CADPS: variants seen among roughly 807,000 people sequenced by gnomAD.
CADPS encodes calcium dependent secretion activator, also known as calcium-dependent secretion activator 1.
In CADPS, 57 loss-of-function variants were observed where a neutral mutation model predicts 167.3. That is an observed-to-expected ratio of 0.34 (90% CI 0.28 to 0.42). CADPS has a LOEUF of 0.42. Ranked by LOEUF, CADPS falls within the 20% of genes least tolerant of loss-of-function variation. The pLI is 1.00. For synonymous variants in CADPS, 676 were observed against 635.3 expected, an observed-to-expected ratio of 1.06 and a Z score of -0.96; for missense variants, 1,414 against 1,738.1, an observed-to-expected ratio of 0.81 and a Z score of 3.32.
At chr3:62,406,038 G>A (rs570997999) in intron 28 of CADPS, among the ~76,000 whole-genome samples, 2 of 152,308 alleles carry the variant, frequency 1.3e-5, no homozygotes, top group Admixed American at 6.5e-5. Flanking sequence ...GAGTGCCTCC[G>A]GAAGCAGCAG....
At chr3:62,459,973 CTCTT>C (rs1435992611) in intron 26 of CADPS, among the ~76,000 whole-genome samples, 1 of 152,166 alleles carries the variant, frequency 6.6e-6, no homozygotes, top group African/African-American at 2.4e-5. Context: ...AAATAGATGA[CTCTT>C]TCCCTTAGAA....
At position 62,874,955 on chromosome 3, in the gene CADPS, G is replaced by C. The variant is rs745876740; in HGVS notation, c.75C>G (p.Gly25=). ...VEEESGKEVL[G]SAPSGARLSP... is the part of the protein sequence containing the mutation. ...ACAGGCGCGCGCCGGACGGGGCCGAGCCGAGCACCTCCTTGCCGCTCTCCT... is the reference window on the plus strand; with the variant it reads ...ACAGGCGCGCGCCGGACGGGGCCGACCCGAGCACCTCCTTGCCGCTCTCCT... The change falls in exon 1 of 30, where the codon GGC becomes GGG. Residue 25 remains glycine, a synonymous_variant. Coordinates refer to ENST00000383710, the MANE Select transcript of CADPS (RefSeq NM_003716.4). This position sits in a 1 kb window ranked among gnomAD's most constrained non-coding sequence, Gnocchi z 7.1. 8.9e-6 allele frequency: 14 copies of C among 1,575,942 alleles called. No homozygotes were observed. In the East Asian group the frequency reaches 2.5e-4, roughly 28 times the overall value.
chr3:62,867,967 C>T (rs888622721), intron 1 of CADPS, among the ~76,000 whole-genome samples: 2 of 152,012 alleles, frequency 1.3e-5, no homozygotes, highest in African/African-American at 4.8e-5. Context: ...CCCAGGCATT[C>T]TAATTTCACA....
At chr3:62,599,951 G>C (rs185419791) in intron 6 of CADPS, among the ~76,000 whole-genome samples, 1 of 86,552 alleles carries the variant, frequency 1.2e-5, no homozygotes, top group Non-Finnish European at 2.3e-5. Context: ...TATAATGTAC[G>C]ATATATAATG....
At chr3:62,497,754 G>A (rs1432376333) in intron 18 of CADPS, among the ~76,000 whole-genome samples, 1 of 152,156 alleles carries the variant, frequency 6.6e-6, no homozygotes, top group Non-Finnish European at 1.5e-5. Flanking sequence ...AGAGACGGTT[G>A]TTGAGGAAGA....
chr3:62,600,422 CAT>C (rs989233076), intron 6 of CADPS, among the ~76,000 whole-genome samples: 54 of 152,128 alleles, frequency 3.5e-4, no homozygotes, highest in African/African-American at 1.2e-3. Context: ...TGCCATCACC[CAT>C]AGAGGCACCT....
intron 3 of CADPS, among the ~76,000 whole-genome samples, chr3:62,684,868 G>C (rs1305298601): frequency 2.6e-5 from 4 of 151,952 alleles, no homozygotes; most frequent in Admixed American, 2.6e-4. Context: ...CAGTTTCTGG[G>C]AAAGGGGCTT....
intron 24 of CADPS, chr3:62,473,619 G>A (rs940938474): frequency 1.3e-5 from 2 of 151,982 alleles, no homozygotes; most frequent in South Asian, 2.1e-4. Flanking sequence ...CTTAGCAAAG[G>A]ACTAAACTTT....
At chr3:62,815,813 A>G (rs1279585342) in intron 1 of CADPS, among the ~76,000 whole-genome samples, 1 of 151,868 alleles carries the variant, frequency 6.6e-6, no homozygotes, top group Non-Finnish European at 1.5e-5. Flanking sequence ...GCCTTCCTGC[A>G]CTCCCTAGGT....
At chr3:62,537,964 T>C (rs2075036021) in intron 11 of CADPS, among the ~76,000 whole-genome samples, 1 of 152,184 alleles carries the variant, frequency 6.6e-6, no homozygotes, top group Non-Finnish European at 1.5e-5. Flanking sequence ...GAACGAGATG[T>C]GGCGTTTATG....
chr3:62,655,164 A>G (rs1348347246), intron 4 of CADPS, among the ~76,000 whole-genome samples: 2 of 152,198 alleles, frequency 1.3e-5, no homozygotes, highest in African/African-American at 4.8e-5. Flanking sequence ...AAACAAGGAC[A>G]TTTTTCTGGT....
At chr3:62,712,194 A>C (rs2083530573) in intron 3 of CADPS, among the ~76,000 whole-genome samples, 1 of 152,174 alleles carries the variant, frequency 6.6e-6, no homozygotes, top group Non-Finnish European at 1.5e-5. Context: ...ACACATATGA[A>C]TATTTCTTTA....
intron 6 of CADPS, among the ~76,000 whole-genome samples, chr3:62,594,004 C>A (rs1406161506): frequency 6.6e-6 from 1 of 152,008 alleles, no homozygotes; most frequent in Non-Finnish European, 1.5e-5. Flanking sequence ...ATGAAAGATG[C>A]CAAATATAAT....
At chr3:62,573,035 C>G (rs1043981296) in intron 8 of CADPS, among the ~76,000 whole-genome samples, 3 of 152,134 alleles carry the variant, frequency 2.0e-5, no homozygotes. Context: ...ATGTGCACCA[C>G]CATGTCCGGC....
At chr3:62,769,661 T>A (rs2088001943) in intron 1 of CADPS, among the ~76,000 whole-genome samples, 1 of 152,180 alleles carries the variant, frequency 6.6e-6, no homozygotes. Context: ...TGGAGGTCGC[T>A]GTTTTCTCAG....
chr3:62,549,600 T>C (rs1390231391), intron 11 of CADPS, among the ~76,000 whole-genome samples: 1 of 152,118 alleles, frequency 6.6e-6, no homozygotes, highest in East Asian at 1.9e-4. Flanking sequence ...TCTACTATAT[T>C]TGAAGGACTC....
rs1351089426 is a variant in CADPS at position 62,516,663 on chromosome 3, T to A, written c.2394-20A>T. The A allele has an allele frequency of 1.9e-6, 3 of 1,577,424 alleles. No homozygotes were observed. The highest frequency in any genetic ancestry group is 2.6e-6 in the Non-Finnish European group (3 of 1,153,538). ...CAATACCTAAAAAAGACAAAATTCT[T>A]CAGGTTGCCTAAATTATTACATTTT... On this transcript the variant is annotated intron_variant, in intron 14 of 29. Coordinates refer to ENST00000383710, the MANE Select transcript of CADPS (RefSeq NM_003716.4).
At chr3:62,647,312 C>T (rs897575178) in intron 5 of CADPS, among the ~76,000 whole-genome samples, 5 of 152,160 alleles carry the variant, frequency 3.3e-5, no homozygotes, top group African/African-American at 1.2e-4. Context: ...CACAGTTTTG[C>T]TACTGGTTCT....
chr3:62,636,404 T>C (rs922431851), intron 6 of CADPS, among the ~76,000 whole-genome samples: 1 of 152,178 alleles, frequency 6.6e-6, no homozygotes, highest in Non-Finnish European at 1.5e-5. Flanking sequence ...AGCTGCCTCA[T>C]CCCAAACCAT....
Sources: gnomAD v4.1 joint callset for allele counts (sites outside exome capture counted in the v4.1 genomes callset) on GRCh38, gnomAD v4.1.1 for gene constraint, Gnocchi (gnomAD v3.1) non-coding constraint, MANE v1.5 for transcripts, NCBI Gene and HGNC (gene_info 2026-07-23, HGNC 2026-07-21) for gene names.